Variants in BLTP2 observed in about 807,000 individuals in gnomAD.
The protein encoded by BLTP2 is U937-associated antigen.
the BLTP2 span, chr17:28,621,578 G>A: frequency 2.7e-5 from 26 of 970,550 alleles, no homozygotes; most frequent in Non-Finnish European, 4.0e-5. Context: ...AGATCTCCAT[G>A]TTTCAAGTAG....
the BLTP2 span, among the ~76,000 whole-genome samples, chr17:28,626,544 G>A: frequency 6.6e-6 from 1 of 152,160 alleles, no homozygotes; most frequent in Non-Finnish European, 1.5e-5. Context: ...AGGATTAGAG[G>A]GTTATAATTT....
the BLTP2 span, among the ~76,000 whole-genome samples, chr17:28,629,967 TCCTCCTACCTCAG>T: frequency 8.5e-4 from 130 of 152,264 alleles, no homozygotes; most frequent in Non-Finnish European, 1.3e-3. Flanking sequence ...GCTCAAGCCA[TCCTCCTACCTCAG>T]CCTCCTAAAT....
chr17:28,632,275 A>G, the BLTP2 span: 1 of 1,555,240 alleles, frequency 6.4e-7, no homozygotes, highest in Non-Finnish European at 8.8e-7. Context: ...CTAGTTATGG[A>G]TGAAACACAG....
the BLTP2 span, chr17:28,640,496 C>A: frequency 1.9e-6 from 3 of 1,572,794 alleles, no homozygotes; most frequent in South Asian, 2.2e-5. Flanking sequence ...AGGCTGGTTA[C>A]AGAGATACCA....
At chr17:28,621,803 A>T in the BLTP2 span, among the ~76,000 whole-genome samples, 6 of 152,040 alleles carry the variant, frequency 3.9e-5, no homozygotes, top group Admixed American at 1.3e-4. Flanking sequence ...ATATCTCATT[A>T]AAAAAAATGA....
the BLTP2 span, among the ~76,000 whole-genome samples, chr17:28,641,109 A>G: frequency 2.0e-5 from 3 of 152,206 alleles, no homozygotes; most frequent in South Asian, 2.1e-4. Context: ...TGCAGATACC[A>G]AAGTCCGCAC....
chr17:28,621,244 C>T, the BLTP2 span: 1 of 1,519,528 alleles, frequency 6.6e-7, no homozygotes, highest in Non-Finnish European at 9.1e-7. Flanking sequence ...CCAGCTATGT[C>T]TCAGAAACTC....
chr17:28,638,178 G>T, the BLTP2 span: 3 of 1,597,810 alleles, frequency 1.9e-6, no homozygotes, highest in African/African-American at 4.0e-5. Flanking sequence ...GCTGCATTAG[G>T]ATGCTCAGCG....
the BLTP2 span, among the ~76,000 whole-genome samples, chr17:28,626,865 C>G: frequency 6.6e-6 from 1 of 152,190 alleles, no homozygotes; most frequent in Non-Finnish European, 1.5e-5. Flanking sequence ...GTCCTGTGAG[C>G]TGCTCTAGCA....
At chr17:28,641,457 C>A in the BLTP2 span, among the ~76,000 whole-genome samples, 64 of 152,048 alleles carry the variant, frequency 4.2e-4, no homozygotes, top group Middle Eastern at 3.4e-3. Context: ...CTGGCTAACA[C>A]GGCGAAATCC....
At chr17:28,629,975 C>T in the BLTP2 span, among the ~76,000 whole-genome samples, 51,315 of 151,860 alleles carry the variant, frequency 0.34, 10,497 homozygotes, top group African/African-American at 0.58. Flanking sequence ...CATCCTCCTA[C>T]CTCAGCCTCC....
chr17:28,643,421 CAG>C, the BLTP2 span: 1 of 1,476,760 alleles, frequency 6.8e-7, no homozygotes. Context: ...GCTCAAATCA[CAG>C]AGATTAGTTT....
chr17:28,641,329 T>C, the BLTP2 span, among the ~76,000 whole-genome samples: 1 of 152,192 alleles, frequency 6.6e-6, no homozygotes, highest in Admixed American at 6.5e-5. Flanking sequence ...TGTTGTTCAG[T>C]GGTCAACTGT....
At chr17:28,617,001 T>C in the BLTP2 span, 2 of 1,605,742 alleles carry the variant, frequency 1.2e-6, no homozygotes, top group Non-Finnish European at 1.7e-6. Context: ...CAGTACTACC[T>C]GTAGGATAGA....
At chr17:28,630,927 A>C in the BLTP2 span, among the ~76,000 whole-genome samples, 2 of 152,212 alleles carry the variant, frequency 1.3e-5, no homozygotes, top group Non-Finnish European at 2.9e-5. Context: ...TTTTTAGGAG[A>C]GAAAGAAAAA....
the BLTP2 span, chr17:28,618,641 G>GATTAATGAGCTCGTTAAT: frequency 1.7e-6 from 1 of 595,744 alleles, no homozygotes; most frequent in Non-Finnish European, 2.9e-6. Flanking sequence ...TCATTAATAT[G>GATTAATGAGCTCGTTAAT]ATTAATGAGC....
chr17:28,624,356 T>C, the BLTP2 span: 3 of 1,613,654 alleles, frequency 1.9e-6, no homozygotes, highest in Non-Finnish European at 2.5e-6. Context: ...CAAACCTATC[T>C]GTCTCTTCAA....
chr17:28,643,729 G>T, the BLTP2 span: 3 of 1,410,950 alleles, frequency 2.1e-6, no homozygotes, highest in South Asian at 1.2e-5. Context: ...GACAAGCCAG[G>T]AAATGTTCTG....
the BLTP2 span, chr17:28,628,381 A>G: frequency 6.2e-7 from 1 of 1,614,172 alleles, no homozygotes; most frequent in Admixed American, 1.7e-5. Context: ...CTGTGGATCA[A>G]TCTTTAACCC....
Sources: gnomAD v4.1 joint callset for allele counts (sites outside exome capture counted in the v4.1 genomes callset) on GRCh38, gnomAD v4.1.1 for gene constraint, MANE v1.5 for transcripts, NCBI Gene and HGNC (gene_info 2026-07-23, HGNC 2026-07-21) for gene names.